The following ABLIM1 variants were observed in gnomAD, a reference collection of about 807,000 sequenced individuals.
The protein encoded by ABLIM1 is actin-binding LIM protein 1.
In ABLIM1, 40 loss-of-function variants were observed where a neutral mutation model predicts 107.0. The ratio of observed to expected loss-of-function variants is 0.37; its 90% CI spans 0.29 to 0.49. The LOEUF (loss-of-function observed/expected upper bound fraction) is 0.49, where lower values mean the gene tolerates loss of function less well. Ranked by LOEUF, ABLIM1 falls within the 20% of genes least tolerant of loss-of-function variation. ABLIM1 has a pLI of 0.97. For missense variants in ABLIM1, 857 were observed against 1,008.5 expected (o/e 0.85, Z 2.04); for synonymous variants, 357 against 357.3 (o/e 1.00, Z 0.01).
intron 6 of ABLIM1, among the ~76,000 whole-genome samples, chr10:114,538,354 G>T (rs1443957891): frequency 6.6e-6 from 1 of 152,172 alleles, no homozygotes; most frequent in African/African-American, 2.4e-5. Flanking sequence ...TCTAAATCCT[G>T]TCCTGCTGTC....
intron 6 of ABLIM1, among the ~76,000 whole-genome samples, chr10:114,509,134 A>G (rs762543240): frequency 6.6e-6 from 1 of 151,964 alleles, no homozygotes; most frequent in Non-Finnish European, 1.5e-5. Context: ...GGAAAAGACA[A>G]CTCTAAACCG....
At chr10:114,792,973 G>A in the ABLIM1 span, among the ~76,000 whole-genome samples, 28 of 152,122 alleles carry the variant, frequency 1.8e-4, no homozygotes, top group Non-Finnish European at 3.7e-4. Context: ...CCAACATGGT[G>A]AAATCCCATC....
At chr10:114,768,628 C>G (rs2082962753), upstream of ABLIM1, among the ~76,000 whole-genome samples, 1 of 151,830 alleles carries the variant, frequency 6.6e-6, no homozygotes, top group Non-Finnish European at 1.5e-5. Flanking sequence ...CCAGCCCCTC[C>G]GAGTCGGCCA....
At chr10:114,482,604 A>G (rs2057539066) in intron 8 of ABLIM1, among the ~76,000 whole-genome samples, 1 of 152,094 alleles carries the variant, frequency 6.6e-6, no homozygotes, top group South Asian at 2.1e-4. Context: ...GTGAAGGGAG[A>G]CCTTGCCACA....
chr10:114,749,689 A>T (rs1390957402), intron 1 of ABLIM1, among the ~76,000 whole-genome samples: 1 of 152,028 alleles, frequency 6.6e-6, no homozygotes, highest in Admixed American at 6.6e-5. Context: ...ATAGCACATG[A>T]CTGCTCCCCC....
chr10:114,733,092 T>C (rs889441381), intron 1 of ABLIM1, among the ~76,000 whole-genome samples: 4 of 152,190 alleles, frequency 2.6e-5, no homozygotes, highest in Admixed American at 2.0e-4. Flanking sequence ...AGTTACAGAA[T>C]TTGGACTTTG....
At chr10:114,485,858 G>A (rs1014430920) in intron 8 of ABLIM1, among the ~76,000 whole-genome samples, 13 of 152,222 alleles carry the variant, frequency 8.5e-5, no homozygotes, top group South Asian at 2.1e-4. Context: ...CTCAAGATTT[G>A]TGATGTGTAG....
chr10:114,472,680 C>T (rs2066821102), intron 10 of ABLIM1, among the ~76,000 whole-genome samples: 1 of 152,132 alleles, frequency 6.6e-6, no homozygotes, highest in Non-Finnish European at 1.5e-5. Flanking sequence ...CCCTCACTCC[C>T]TTATTTGCTC....
At chr10:114,734,582 T>TTTC (rs2082142224) in intron 1 of ABLIM1, among the ~76,000 whole-genome samples, 1 of 152,194 alleles carries the variant, frequency 6.6e-6, no homozygotes, top group African/African-American at 2.4e-5. Context: ...TCCTTTGCAA[T>TTTC]GATCTGCAAA....
chr10:114,714,867 A>AT (rs1163641305), intron 1 of ABLIM1, among the ~76,000 whole-genome samples: 6 of 152,140 alleles, frequency 3.9e-5, no homozygotes, highest in Admixed American at 6.5e-5. Flanking sequence ...AGGGATTGTT[A>AT]TTTTTTTAAA....
chr10:114,471,254 G>GT (rs1212539311), intron 10 of ABLIM1, among the ~76,000 whole-genome samples: 1 of 152,106 alleles, frequency 6.6e-6, no homozygotes, highest in African/African-American at 2.4e-5. Context: ...AGTGCTTAAT[G>GT]TTTTACTGCC....
At chr10:114,560,728 G>A (rs1480162540) in intron 4 of ABLIM1, among the ~76,000 whole-genome samples, 1 of 152,092 alleles carries the variant, frequency 6.6e-6, no homozygotes, top group Non-Finnish European at 1.5e-5. Flanking sequence ...CAAATGATAC[G>A]AACTGGATCA....
Position 114,437,890 on chromosome 10 carries a change from C to T in ABLIM1, c.2177G>A (p.Arg726Lys). 1 of 1,614,080 alleles carries T rather than the reference C, an allele frequency of 6.2e-7. No homozygotes were observed. Among genetic ancestry groups the T allele is most frequent in the Non-Finnish European group, 8.5e-7 (1 of 1,180,000 alleles). Residue 726 changes from arginine to lysine, a missense_variant, in exon 22 of 23, where the codon AGA becomes AAA. Physicochemically the swap from Arg to Lys is conservative, Grantham distance 26 (BLOSUM62 2). Around this residue, in one of 5 missense-constraint regions of ABLIM1, gnomAD observed 193 missense variants for 208.5 expected, o/e 0.93. Transcript: ENST00000533213. The stretch of plus-strand genomic sequence containing the variant: ...CTCTCTGAGGATTTTGTTTCGCCCT[C>T]TGTTGGTCACCATGAGCATTTCATA... Reference protein sequence around the residue: ...FPYEMLMVTNRGRNKILREVD... With the variant: ...FPYEMLMVTNKGRNKILREVD...
chr10:114,750,081 T>TA (rs1398454249), intron 1 of ABLIM1, among the ~76,000 whole-genome samples: 2 of 152,154 alleles, frequency 1.3e-5, no homozygotes, highest in South Asian at 2.1e-4. Flanking sequence ...GATTTTTTTT[T>TA]AAAAATCTGT....
At chr10:114,561,177 A>G (rs1428393130) in intron 4 of ABLIM1, among the ~76,000 whole-genome samples, 2 of 152,226 alleles carry the variant, frequency 1.3e-5, no homozygotes, top group Non-Finnish European at 2.9e-5. Flanking sequence ...TTCACCTAGC[A>G]TACCCGGGCT....
rs541504016 is a variant in ABLIM1 at position 114,716,410 on chromosome 10, A to AAAACACACACAC, written c.-213+51650_-213+51651insGTGTGTGTGTTT. 4.1e-3 allele frequency among the ~76,000 whole-genome samples: 582 copies of AAAACACACACAC among 143,614 alleles called. 3 individuals carry two copies. The highest frequency in any genetic ancestry group is 0.014 in the African/African-American group (538 of 38,412). 94.2% of individuals were successfully genotyped at this position (143,614 alleles called of 152,430 possible). A position where few individuals can be genotyped will look rare whatever the true frequency, so the allele number is the denominator to read the frequency against. ...TAGTGTTCTCAAATTGGTAGAGAGAAACACACACACACACACACACACACA... is the reference window on the plus strand; with the variant it reads ...TAGTGTTCTCAAATTGGTAGAGAGAAAAACACACACACACACACACACACACACACACACACA... On this transcript the variant is annotated intron_variant, in intron 1 of 15. Coordinates refer to the ABLIM1 transcript ENST00000651092.
chr10:114,733,145 T>C (rs765706088), intron 1 of ABLIM1, among the ~76,000 whole-genome samples: 1 of 152,136 alleles, frequency 6.6e-6, no homozygotes, highest in Non-Finnish European at 1.5e-5. Flanking sequence ...AGCAAGGAAG[T>C]GACACAATCT....
At chr10:114,795,646 T>C in the ABLIM1 span, among the ~76,000 whole-genome samples, 12 of 151,626 alleles carry the variant, frequency 7.9e-5, no homozygotes, top group African/African-American at 2.4e-4. Flanking sequence ...GAGGCAAAGG[T>C]TGCAGTGAGC....
chr10:114,700,491 A>AACACACAC (rs149691121), intron 1 of ABLIM1, among the ~76,000 whole-genome samples: 30 of 148,552 alleles, frequency 2.0e-4, no homozygotes, highest in African/African-American at 6.6e-4. Flanking sequence ...AAACAATTAA[A>AACACACAC]ACACACACAC....
Sources: gnomAD v4.1 joint callset for allele counts (sites outside exome capture counted in the v4.1 genomes callset) on GRCh38, gnomAD v4.1.1 for gene constraint, gnomAD v4.1.1 regional missense constraint, MANE v1.5 for transcripts, NCBI Gene and HGNC (gene_info 2026-07-23, HGNC 2026-07-21) for gene names.